Variants in GREB1 observed in about 807,000 individuals in gnomAD.
The protein encoded by GREB1 is protein GREB1.
Under a neutral mutation model 200.7 loss-of-function variants are expected in GREB1, and 106 were observed. The ratio of observed to expected loss-of-function variants is 0.53; its 90% confidence interval spans 0.45 to 0.62. The LOEUF (loss-of-function observed/expected upper bound fraction) is 0.62. Among genes scored for constraint, GREB1 ranks in the 20% least tolerant of loss-of-function variants. The probability of loss-of-function intolerance (pLI) is 0.00; values close to 1 mark genes in which losing one functional copy is unlikely to be tolerated. For missense variants in GREB1, 2,243 were observed against 2,556.8 expected (o/e 0.88, Z 2.65); for synonymous variants, 1,132 against 1,092.4 (o/e 1.04, Z -0.72).
In GREB1 at chr2:11,509,944, T is replaced by G. The variant is rs1673302834; in HGVS notation, c.-159+27563T>G. Among the ~76,000 whole-genome samples the G allele has an allele frequency of 2.0e-5, 3 of 152,232 alleles. No homozygotes were observed. In the South Asian group the frequency reaches 6.2e-4, roughly 32 times the overall value. ...CTAAGACAATTCAATTTCCCCTTAT[T>G]TCATTAGCATGTTTTTGCAGTTGGT... On this transcript the variant is annotated intron_variant, in intron 1 of 2. Coordinates refer to the GREB1 transcript ENST00000628795.
Position 11,632,066 on chromosome 2 carries a change from A to T in GREB1, c.4769A>T (p.Asn1590Ile). 1 of 1,614,122 alleles carries T rather than the reference A, an allele frequency of 6.2e-7. No homozygotes were observed. Among genetic ancestry groups the T allele is most frequent in the Non-Finnish European group, 8.5e-7 (1 of 1,179,996 alleles). ...EMAIYKKYWPNHIMLVLPSIF... is the reference protein window; with the variant it reads ...EMAIYKKYWPIHIMLVLPSIF... ...GCAATTTATAAGAAATATTGGCCCAACCACATCATGCTGGTGCTCCCCAGT... is the reference window on the plus strand; with the variant it reads ...GCAATTTATAAGAAATATTGGCCCATCCACATCATGCTGGTGCTCCCCAGT... Residue 1590 changes from asparagine (N) to isoleucine (I), a missense_variant, in exon 27 of 33, where the codon AAC becomes ATC. By Grantham distance (149) the Asn-to-Ile change is moderately radical. This residue lies in a region of GREB1 where 478 missense variants were observed against 616.3 expected (regional missense o/e 0.78). Coordinates refer to ENST00000381486, the MANE Select transcript of GREB1 (RefSeq NM_014668.4).
rs1684922782 is a variant in GREB1 at position 11,632,118 on chromosome 2, G to A, written c.4816+5G>A. The A allele has an allele frequency of 6.2e-7, 1 of 1,604,420 alleles. No homozygotes were observed. The highest frequency in any genetic ancestry group is 8.5e-7 in the Non-Finnish European group (1 of 1,171,282). ...TCTTCAACAGTGCTGGAGTTGGTGA[G>A]TGTCCTTTAACATCATCTACTCAGT... On this transcript the variant is annotated splice_donor_5th_base_variant and intron_variant, in intron 27 of 32. Coordinates refer to ENST00000381486, the MANE Select transcript of GREB1 (RefSeq NM_014668.4).
chr2:11,575,201 A>G (rs190046570), intron 4 of GREB1, among the ~76,000 whole-genome samples: 4 of 152,372 alleles, frequency 2.6e-5, no homozygotes, highest in Admixed American at 2.6e-4. Context: ...AATGGAGAAT[A>G]TGATACATGA....
rs779200924 is a variant in GREB1, at chr2:11,618,462, C to G, written c.3587C>G (p.Pro1196Arg). ...PSAISRHSPGPTPQPDCSLRT... is the reference protein window; with the variant it reads ...PSAISRHSPGRTPQPDCSLRT... ...GCCATCAGCAGGCACAGTCCCGGGC[C>G]GACGCCCCAGCCCGACTGTAGCCTC... is the stretch of plus-strand genomic sequence containing the variant. Residue 1196 changes from proline (P) to arginine (R), a missense_variant, in exon 22 of 33, where the codon CCG becomes CGG. Pro to Arg is a moderately radical substitution (Grantham distance 103, BLOSUM62 -2). This residue lies in a region of GREB1 where 587 missense variants were observed against 553.1 expected (regional missense o/e 1.06). Coordinates refer to ENST00000381486, the MANE Select transcript of GREB1 (RefSeq NM_014668.4). The G allele has an allele frequency of 1.2e-6, 2 of 1,605,484 alleles. No individual in the cohort carries two copies. The highest frequency in any genetic ancestry group is 1.3e-5 in the African/African-American group (1 of 74,880).
chr2:11,634,195 C>T lies in GREB1; in HGVS notation c.5056C>T (p.Pro1686Ser). ...CATCATGCAGCACATCGAGGCGGCCCCCGACATCATGCACTACGCCCTGCT... is the reference window on the plus strand; with the variant it reads ...CATCATGCAGCACATCGAGGCGGCCTCCGACATCATGCACTACGCCCTGCT... ...KHIMQHIEAAPDIMHYALLGL... is the reference protein window; with the variant it reads ...KHIMQHIEAASDIMHYALLGL... The change falls in exon 29 of 33, where the codon CCC (proline) becomes TCC (serine). Residue 1686 changes from proline (P) to serine (S), a missense_variant. Coordinates refer to ENST00000381486, the MANE Select transcript of GREB1 (RefSeq NM_014668.4). 6.2e-7 allele frequency: 1 copy of T among 1,614,206 alleles called. No individual in the cohort carries two copies.
chr2:11,599,871 T>C (rs1442732811), intron 15 of GREB1, among the ~76,000 whole-genome samples: 3 of 152,176 alleles, frequency 2.0e-5, no homozygotes, highest in Non-Finnish European at 4.4e-5. Context: ...AAAATGAACA[T>C]AAACCCAGAT....
At chr2:11,626,340 C>T (rs551880213) in intron 24 of GREB1, among the ~76,000 whole-genome samples, 30 of 152,176 alleles carry the variant, frequency 2.0e-4, no homozygotes, top group Non-Finnish European at 4.1e-4. Context: ...GTAATCTCAG[C>T]ACTTTGGGAG....
At chr2:11,577,663 GA>G (rs1241211676) in intron 5 of GREB1, among the ~76,000 whole-genome samples, 1 of 152,214 alleles carries the variant, frequency 6.6e-6, no homozygotes, top group African/African-American at 2.4e-5. Flanking sequence ...TTGTCTTCCG[GA>G]CGCTCCCGGG....
At position 11,580,756 on chromosome 2, in the gene GREB1, C is replaced by G. The variant is rs778152733; in HGVS notation, c.825C>G (p.Phe275Leu). ...ACGCAGCAATGGGTCCGGCTGTTTT[C>G]AACGGCAAAGATTCCCCGAAGTGCC... ...SLNAAMGPAV[F>L]NGKDSPKCQQ... The change falls in exon 7 of 33, where the codon TTC becomes TTG. Residue 275 changes from phenylalanine (F) to leucine (L), a missense_variant. Physicochemically the swap from Phe to Leu is conservative, Grantham distance 22 (BLOSUM62 0). Around this residue, in one of 3 missense-constraint regions of GREB1, gnomAD observed 1,178 missense variants for 1,387.4 expected, o/e 0.85. Coordinates refer to ENST00000381486, the MANE Select transcript of GREB1 (RefSeq NM_014668.4). This position sits in a 1 kb window ranked among gnomAD's most constrained non-coding sequence, Gnocchi z 4.5. The G allele has an allele frequency of 9.3e-6, 15 of 1,614,112 alleles. No individual in the cohort carries two copies. The highest frequency in any genetic ancestry group is 1.3e-5 in the Non-Finnish European group (15 of 1,180,042).
Position 11,592,849 on chromosome 2 carries a change from C to A in GREB1, c.1419C>A (p.Thr473=), listed in dbSNP as rs762673917. ...GCTCTTGGCGCGAGTCGCACCTGAC[C>A]GAGATCCGGCAGTACCAGCAGGCGC... The part of the protein sequence containing the change: ...FLRSWRESHL[T]EIRQYQQAPP... The change falls in exon 11 of 33, where the codon ACC becomes ACA. Residue 473 remains threonine, a synonymous_variant. Transcript: ENST00000381486. The A allele has an allele frequency of 6.3e-7, 1 of 1,598,568 alleles. No individual in the cohort carries two copies. The highest frequency in any genetic ancestry group is 8.5e-7 in the Non-Finnish European group (1 of 1,175,100).
intron 1 of GREB1, among the ~76,000 whole-genome samples, chr2:11,547,197 C>T (rs1284071111): frequency 6.6e-6 from 1 of 152,208 alleles, no homozygotes. Flanking sequence ...CCTGCCTCGG[C>T]CTCCCAAAGT....
At chr2:11,588,192 G>A in intron 9 of GREB1, 1 of 686,666 alleles carries the variant, frequency 1.5e-6, no homozygotes, top group Non-Finnish European at 1.8e-6. Context: ...TCACGCCACT[G>A]CACTCCAGCC....
At chr2:11,563,300 G>A (rs888553422) in intron 3 of GREB1, among the ~76,000 whole-genome samples, 1 of 152,178 alleles carries the variant, frequency 6.6e-6, no homozygotes, top group Non-Finnish European at 1.5e-5. Flanking sequence ...CCATCAGTAC[G>A]TCAATGTTGA....
intron 15 of GREB1, 148 bp from the exon 16 acceptor site, chr2:11,600,652 A>G (rs974442427): frequency 4.4e-6 from 3 of 687,020 alleles, no homozygotes; most frequent in Non-Finnish European, 7.6e-6. Flanking sequence ...AGCCTTTTTT[A>G]TTTTCTCTAT....
intron 2 of GREB1, among the ~76,000 whole-genome samples, chr2:11,558,680 A>G (rs745708807): frequency 1.1e-4 from 17 of 152,344 alleles, no homozygotes; most frequent in Non-Finnish European, 2.1e-4. Flanking sequence ...GCACTCAGCT[A>G]GAGGCCCTGC....
chr2:11,596,789 T>G (rs1407780360), intron 13 of GREB1, among the ~76,000 whole-genome samples: 1 of 73,374 alleles, frequency 1.4e-5, no homozygotes, highest in Non-Finnish European at 2.5e-5. Context: ...GGTGGGGCAC[T>G]GGTGTGTAAA....
intron 1 of GREB1, among the ~76,000 whole-genome samples, chr2:11,537,256 G>A (rs547948969): frequency 2.0e-5 from 3 of 152,248 alleles, no homozygotes; most frequent in Admixed American, 6.5e-5. Context: ...GAGCCACCGC[G>A]CCGGCCGACA....
intron 1 of GREB1, among the ~76,000 whole-genome samples, chr2:11,538,794 TC>T (rs760858770): frequency 0.14 from 3,640 of 26,088 alleles, 730 homozygotes; most frequent in South Asian, 0.24. Flanking sequence ...CTTCCTTCCT[TC>T]CCTTCTTTAC....
At chr2:11,531,056 A>T (rs1674055582), upstream of GREB1, among the ~76,000 whole-genome samples, 1 of 152,158 alleles carries the variant, frequency 6.6e-6, no homozygotes, top group South Asian at 2.1e-4. Context: ...TTCCCTAGGT[A>T]GGTGGGCCTG....
Sources: gnomAD v4.1 joint callset for allele counts (sites outside exome capture counted in the v4.1 genomes callset) on GRCh38, gnomAD v4.1.1 for gene constraint, gnomAD v4.1.1 regional missense constraint, Gnocchi (gnomAD v3.1) non-coding constraint, MANE v1.5 for transcripts, NCBI Gene and HGNC (gene_info 2026-07-23, HGNC 2026-07-21) for gene names.